FLG: variants seen among roughly 807,000 people sequenced by gnomAD.
The protein encoded by FLG is epidermal filaggrin.
Under a neutral mutation model 3.8 loss-of-function variants are expected in FLG, and 6 were observed. That is an observed-to-expected ratio of 1.60 (90% CI 0.87 to 3.15). The LOEUF (loss-of-function observed/expected upper bound fraction) is 3.15. FLG is among the 30% of genes most tolerant of loss of function. The pLI is 0.00. For missense variants in FLG, 7,595 were observed against 5,050.9 expected (o/e 1.50, Z -15.27); for synonymous variants, 2,551 against 1,931.6 (o/e 1.32, Z -8.41).
chr1:152,315,882 A>G (rs550313581), intron 1 of FLG, among the ~76,000 whole-genome samples: 2 of 152,346 alleles, frequency 1.3e-5, no homozygotes, highest in South Asian at 2.1e-4. Flanking sequence ...TAAATGATTA[A>G]TTTGCTAAGA....
chr1:152,322,449 T>C (rs2101658876), intron 1 of FLG, among the ~76,000 whole-genome samples: 1 of 151,374 alleles, frequency 6.6e-6, no homozygotes, highest in East Asian at 1.9e-4. Flanking sequence ...AAATCAATTG[T>C]ATTTCTATAT....
At position 152,312,701 on chromosome 1, in the gene FLG, G is replaced by A. The variant is rs545979921; in HGVS notation, c.2185C>T (p.Gln729Ter). 56 of 1,613,978 alleles carry A rather than the reference G, an allele frequency of 3.5e-5. No individual in the cohort carries two copies. The South Asian group carries it at 5.8e-4, about 17-fold the overall frequency. The change falls in exon 3 of 3, where the codon CAA (glutamine) becomes TAA (stop). Residue 729 changes from glutamine (Q) to a stop codon, truncating the protein, a stop_gained. Transcript: ENST00000368799. LOFTEE classifies it low-confidence loss of function (END_TRUNC). ...SSRHSGTGHG[Q>*]ASSAVRDSGH... ...CTGTCTCTGACTGCAGATGAAGCTT[G>A]TCCGTGCCCAGTGCCTGAGTGTCTG...
rs112545397 is a variant in FLG, at chr1:152,307,888, T to C, written c.6998A>G (p.His2333Arg). Reference sequence around the variant, plus strand: ...GGAGCTGTCTGCTGACTGCTGGTGGTGGGATCCGTGTCTCTCTCCTGCACT... The same window carrying C: ...GGAGCTGTCTGCTGACTGCTGGTGGCGGGATCCGTGTCTCTCTCCTGCACT... ...RSSAGERHGS[H>R]HQQSADSSRH... is the part of the protein sequence containing the mutation. Residue 2333 changes from histidine to arginine, a missense_variant, in exon 3 of 3, where the codon CAC becomes CGC. Coordinates refer to ENST00000368799, the MANE Select transcript of FLG (RefSeq NM_002016.2). 2.6e-4 allele frequency: 424 copies of C among 1,612,144 alleles called. 3 individuals are homozygous for C. In the African/African-American group the frequency reaches 3.3e-3, roughly 13 times the overall value.
Position 152,312,389 on chromosome 1 carries a change from C to A in FLG, c.2497G>T (p.Ala833Ser). ...ATGGTGTCCTGACCATCTTGGGATGCTGAGTGCCTGGAGTTGTCTCGTGCC... is the reference window on the plus strand; with the variant it reads ...ATGGTGTCCTGACCATCTTGGGATGATGAGTGCCTGGAGTTGTCTCGTGCC... ...EQARDNSRHS[A>S]SQDGQDTIRG... The change falls in exon 3 of 3, where the codon GCA (alanine) becomes TCA (serine). Residue 833 changes from alanine to serine, a missense_variant. Coordinates refer to ENST00000368799, the MANE Select transcript of FLG (RefSeq NM_002016.2). 1 of 1,613,346 alleles carries A rather than the reference C, an allele frequency of 6.2e-7. No homozygotes were observed. Among genetic ancestry groups the A allele is most frequent in the Non-Finnish European group, 8.5e-7 (1 of 1,179,838 alleles).
Position 152,314,608 on chromosome 1 carries a change from T to A in FLG, c.278A>T (p.Asn93Ile), listed in dbSNP as rs199918968. 222 of 1,614,082 alleles carry A rather than the reference T, an allele frequency of 1.4e-4. 1 individual carries two copies. The East Asian group carries it at 3.8e-3, about 28-fold the overall frequency. The stretch of plus-strand genomic sequence containing the variant: ...GTGCTTGTGTCCTGATATCGGTAAA[T>A]TCTCTTTTCTGGTAGACTCATAATA... ...QAYYESTRKE[N>I]LPISGHKHRK... Residue 93 changes from asparagine to isoleucine, a missense_variant, in exon 3 of 3, where the codon AAT (asparagine) becomes ATT (isoleucine). Asn to Ile is a moderately radical substitution (Grantham distance 149). Transcript: ENST00000368799.
At position 152,307,665 on chromosome 1, in the gene FLG, C is replaced by A. The variant is rs1456743078; in HGVS notation, c.7221G>T (p.Arg2407Ser). 16 of 1,613,382 alleles carry A rather than the reference C, an allele frequency of 9.9e-6. No individual in the cohort carries two copies. Among genetic ancestry groups the A allele is most frequent in the East Asian group, 8.9e-5 (4 of 44,816 alleles). ...AGAGGAAAGACCCTGAACGTCCAGA[C>A]CTTCCTGCTGACCGGCCACGTGTGG... ...QESTRGRSAG[R>S]SGRSGSFLYQ... Residue 2407 changes from arginine (R) to serine (S), a missense_variant, in exon 3 of 3, where the codon AGG becomes AGT. By Grantham distance (110) the Arg-to-Ser change is moderately radical. Transcript: ENST00000368799.
In FLG at chr1:152,313,205, G is replaced by T. The variant is rs755761586; in HGVS notation, c.1681C>A (p.Gln561Lys). The part of the protein sequence containing the change: ...SQGRSDASHG[Q>K]SGSRSASRQT... ...CTGCTTGCACTTCTGGATCCTGACT[G>T]CCCATGGGAGGCATCAGACCTTCCC... is the stretch of plus-strand genomic sequence containing the variant. The change falls in exon 3 of 3, where the codon CAG (glutamine) becomes AAG (lysine). Residue 561 changes from glutamine to lysine, a missense_variant. Physicochemically the swap from Gln to Lys is moderately conservative, Grantham distance 53. Transcript: ENST00000368799. 5.0e-6 allele frequency: 8 copies of T among 1,613,854 alleles called. No homozygotes were observed. The South Asian group carries it at 6.6e-5, about 13-fold the overall frequency.
At chr1:152,322,266 C>G (rs74127917) in intron 1 of FLG, among the ~76,000 whole-genome samples, 1,726 of 150,550 alleles carry the variant, frequency 0.011, 26 homozygotes, top group African/African-American at 0.039. Flanking sequence ...AAAGTCCTAG[C>G]TAGAGCAATA....
intron 1 of FLG, among the ~76,000 whole-genome samples, chr1:152,318,786 A>T (rs1652867473): frequency 6.6e-6 from 1 of 151,902 alleles, no homozygotes; most frequent in South Asian, 2.1e-4. Context: ...TGAACAAGAT[A>T]GATGAGGTGC....
Position 152,303,167 on chromosome 1 carries a change from G to A in FLG, c.11719C>T (p.Arg3907Cys), listed in dbSNP as rs765242559. The change falls in exon 3 of 3, where the codon CGC becomes TGC. Residue 3907 changes from arginine to cysteine, a missense_variant. Transcript: ENST00000368799. ...DGSRHPGSSH[R>C]DTASHVQSSP... ...GACTGTACATGACTGGCTGTATCGC[G>A]GTGAGAGGATCCGGGGTGTCTGGAG... 8.1e-6 allele frequency: 13 copies of A among 1,614,144 alleles called. No individual in the cohort carries two copies. Among genetic ancestry groups the A allele is most frequent in the South Asian group, 4.4e-5 (4 of 91,080 alleles).
Position 152,307,861 on chromosome 1 carries a change from C to G in FLG, c.7025G>C (p.Arg2342Thr), listed in dbSNP as rs202073955. The G allele has an allele frequency of 7.0e-5, 113 of 1,612,960 alleles. No individual in the cohort carries two copies. The highest frequency in any genetic ancestry group is 1.0e-5 in the Non-Finnish European group (12 of 1,179,690). ...SHHQQSADSS[R>T]HSGIGHGQAS... ...TTGTCCGTGCCCAATGCCTGAGTGT[C>G]TGGAGCTGTCTGCTGACTGCTGGTG... The change falls in exon 3 of 3, where the codon AGA (arginine) becomes ACA (threonine). Residue 2342 changes from arginine to threonine, a missense_variant. Arg to Thr is a moderately conservative substitution (Grantham distance 71). Coordinates refer to ENST00000368799, the MANE Select transcript of FLG (RefSeq NM_002016.2).
chr1:152,314,795 A>G (rs1652719791), intron 2 of FLG, 48 bp from the exon 3 acceptor site: 1 of 1,609,118 alleles, frequency 6.2e-7, no homozygotes, highest in Non-Finnish European at 8.5e-7. Flanking sequence ...ACAGAATCAC[A>G]TTATCAGCCA....
In FLG at chr1:152,311,834, C is replaced by T. The variant is rs755822219; in HGVS notation, c.3052G>A (p.Ala1018Thr). 1.2e-6 allele frequency: 2 copies of T among 1,614,000 alleles called. No individual in the cohort carries two copies. Among genetic ancestry groups the T allele is most frequent in the Admixed American group, 1.7e-5 (1 of 60,004 alleles). ...PHAETSSGGQAASSHEQARSS... is the reference protein window; with the variant it reads ...PHAETSSGGQTASSHEQARSS... ...CTTGCCTGTTCATGGGATGACGCAGCCTGTCCACCAGAGGAAGTCTCTGCG... is the reference window on the plus strand; with the variant it reads ...CTTGCCTGTTCATGGGATGACGCAGTCTGTCCACCAGAGGAAGTCTCTGCG... The change falls in exon 3 of 3, where the codon GCT (alanine) becomes ACT (threonine). Residue 1018 changes from alanine (A) to threonine (T), a missense_variant. By Grantham distance (58) the Ala-to-Thr change is moderately conservative. Coordinates refer to ENST00000368799, the MANE Select transcript of FLG (RefSeq NM_002016.2).
chr1:152,307,166 G>A lies in FLG; in HGVS notation c.7720C>T (p.Gln2574Ter). Reference protein sequence around the residue: ...GSSFSQDSDSQGHSEDSERWS... With the variant: ...GSSFSQDSDS ...CTCTCAGAGTCTTCTGAGTGTCCCTGACTGTCACTGTCCTGGCTAAAACTG... is the reference window on the plus strand; with the variant it reads ...CTCTCAGAGTCTTCTGAGTGTCCCTAACTGTCACTGTCCTGGCTAAAACTG... The change falls in exon 3 of 3, where the codon CAG (glutamine) becomes TAG (stop). Residue 2574 changes from glutamine to a stop codon, truncating the protein, a stop_gained. Coordinates refer to ENST00000368799, the MANE Select transcript of FLG (RefSeq NM_002016.2). LOFTEE classifies it low-confidence loss of function (END_TRUNC). 1.2e-6 allele frequency: 2 copies of A among 1,611,526 alleles called. No individual in the cohort carries two copies. The highest frequency in any genetic ancestry group is 1.7e-6 in the Non-Finnish European group (2 of 1,179,842).
chr1:152,307,958 A>T lies in FLG; in HGVS notation c.6928T>A (p.Ser2310Thr), dbSNP rs1652094027. Residue 2310 changes from serine to threonine, a missense_variant, in exon 3 of 3, where the codon TCC becomes ACC. Transcript: ENST00000368799. ...GATGATGCAGCCTGTCCACCAGAGG[A>T]ATTCTCTGCATGATGAGTGCCTGAT... ...RQSGTHHAEN[S>T]SGGQAASSHE... is the part of the protein sequence containing the mutation. 6.2e-7 allele frequency: 1 copy of T among 1,613,898 alleles called. No homozygotes were observed. The highest frequency in any genetic ancestry group is 1.7e-5 in the Admixed American group (1 of 60,006).
Position 152,312,198 on chromosome 1 carries a change from T to A in FLG, c.2688A>T (p.Thr896=). 1 of 1,613,742 alleles carries A rather than the reference T, an allele frequency of 6.2e-7. No homozygotes were observed. The highest frequency in any genetic ancestry group is 8.5e-7 in the Non-Finnish European group (1 of 1,179,964). The change falls in exon 3 of 3, where the codon ACA becomes ACT. Residue 896 remains threonine, a synonymous_variant. Transcript: ENST00000368799. ...QSGSRSASRT[T]RNEEQSRDGS... ...CGTCTCTTGATTGTTCCTCATTACG[T>A]GTTGTTCTGCTTGCACTTCTGGATC...
rs759664162 is a variant in FLG at position 152,303,356 on chromosome 1, G to A, written c.11530C>T (p.Gln3844Ter). Residue 3844 changes from glutamine to a stop codon, truncating the protein, a stop_gained, in exon 3 of 3, where the codon CAG becomes TAG. Transcript: ENST00000368799. LOFTEE classifies it low-confidence loss of function (END_TRUNC). ...STQADSSRHS[Q>*]SGQGESAGSR... ...CCCGCTGATTCACCCTGGCCGGACT[G>A]TGAGTGTCTAGAGCTGTCAGCCTGA... 4.3e-6 allele frequency: 7 copies of A among 1,614,132 alleles called. No homozygotes were observed. The East Asian group carries it at 1.6e-4, about 36-fold the overall frequency.
At chr1:152,315,543 C>A in intron 1 of FLG, 66 bp from the exon 2 acceptor site, 1 of 1,235,266 alleles carries the variant, frequency 8.1e-7, no homozygotes, top group Non-Finnish European at 1.1e-6. Context: ...TTATTACAAT[C>A]ATTTTCCACA....
Position 152,302,344 on chromosome 1 carries a change from C to T in FLG, c.*356G>A. On this transcript the variant is annotated 3_prime_UTR_variant, in exon 3 of 3. Transcript: ENST00000368799. ...ATACAGAACTGTTTTATATTTTTGG[C>T]TCCTTCGATATTTCTGAAAAAGATT... The T allele has an allele frequency of 3.5e-6, 1 of 282,600 alleles. No homozygotes were observed. The highest frequency in any genetic ancestry group is 6.7e-6 in the Non-Finnish European group (1 of 149,708). 17.5% of individuals were successfully genotyped at this position (282,600 alleles called of 1,614,324 possible). A position where few individuals can be genotyped will look rare whatever the true frequency, so the allele number is the denominator to read the frequency against.
Sources: gnomAD v4.1 joint callset for allele counts (sites outside exome capture counted in the v4.1 genomes callset) on GRCh38, gnomAD v4.1.1 for gene constraint, MANE v1.5 for transcripts, NCBI Gene and HGNC (gene_info 2026-07-23, HGNC 2026-07-21) for gene names.